Variants in XRN2 observed in about 807,000 individuals in gnomAD.
XRN2 encodes 5'-3' exoribonuclease 2.
In XRN2, 44 loss-of-function variants were observed where a neutral mutation model predicts 138.5. That is an observed-to-expected ratio of 0.32 (90% CI 0.25 to 0.41). XRN2 has a LOEUF of 0.41. Among genes scored for constraint, XRN2 ranks in the 10% least tolerant of loss-of-function variants. The pLI is 1.00. For missense variants in XRN2, 937 were observed against 1,169.3 expected (o/e 0.80, Z 2.90); for synonymous variants, 354 against 369.4 (o/e 0.96, Z 0.48).
At chr20:21,344,042 A>G in intron 15 of XRN2, 48 bp from the exon 16 acceptor site, 3 of 1,431,064 alleles carry the variant, frequency 2.1e-6, no homozygotes, top group Non-Finnish European at 2.9e-6. Flanking sequence ...CTTCTTATGT[A>G]AAATGAATAA....
At chr20:21,303,937 G>T (rs892231007) in intron 1 of XRN2, 37 of 858,906 alleles carry the variant, frequency 4.3e-5, no homozygotes, top group Non-Finnish European at 5.2e-5. Flanking sequence ...CGACCTTTTC[G>T]TTGTTTACCA....
chr20:21,308,609 C>T (rs2037835671), intron 1 of XRN2, among the ~76,000 whole-genome samples: 5 of 152,258 alleles, frequency 3.3e-5, no homozygotes, highest in Admixed American at 2.6e-4. Flanking sequence ...TGCTTATTTG[C>T]TTTCTGTATA....
Position 21,377,264 on chromosome 20 carries a change from C to CTT in XRN2, c.2585-4717_2585-4716dup, listed in dbSNP as rs761622310. Among the ~76,000 whole-genome samples the CTT allele has an allele frequency of 9.6e-3, 797 of 82,810 alleles. 129 individuals carry two copies. Among genetic ancestry groups the CTT allele is most frequent in the African/African-American group, 0.039 (722 of 18,692 alleles). 54.3% of individuals were successfully genotyped at this position (82,810 alleles called of 152,430 possible). A position where few individuals can be genotyped will look rare whatever the true frequency, so the allele number is the denominator to read the frequency against. On this transcript the variant is annotated intron_variant, in intron 27 of 29. Transcript: ENST00000377191. ...CCAACATATGATTTGTCGGTTTTTT[C>CTT]TTTTTTTTTTTTTTGGTCAGTCTTG...
At chr20:21,322,321 T>C (rs982824482) in intron 1 of XRN2, among the ~76,000 whole-genome samples, 5 of 152,230 alleles carry the variant, frequency 3.3e-5, no homozygotes, top group Non-Finnish European at 5.9e-5. Context: ...AATTGTCTTA[T>C]TATAGGTTGA....
intron 1 of XRN2, among the ~76,000 whole-genome samples, chr20:21,322,867 A>G (rs190004957): frequency 5.4e-4 from 82 of 152,336 alleles, no homozygotes; most frequent in Admixed American, 1.9e-3. Flanking sequence ...CCTACTAGGC[A>G]GAGCTACCTT....
At chr20:21,344,444 C>A (rs2038410457) in intron 16 of XRN2, among the ~76,000 whole-genome samples, 1 of 152,138 alleles carries the variant, frequency 6.6e-6, no homozygotes, top group Non-Finnish European at 1.5e-5. Flanking sequence ...GTCCTCCAAT[C>A]CACTTTTCCC....
intron 6 of XRN2, among the ~76,000 whole-genome samples, chr20:21,331,250 A>C (rs2038203092): frequency 6.6e-6 from 1 of 152,172 alleles, no homozygotes; most frequent in African/African-American, 2.4e-5. Flanking sequence ...GTGAATGATC[A>C]GTTTTTCTGA....
intron 1 of XRN2, among the ~76,000 whole-genome samples, chr20:21,310,066 C>T (rs2037859177): frequency 2.0e-5 from 3 of 152,140 alleles, no homozygotes; most frequent in Non-Finnish European, 4.4e-5. Context: ...ATTTCTTCCT[C>T]TCTGATATAG....
At chr20:21,378,224 T>TA (rs1418775505) in intron 27 of XRN2, among the ~76,000 whole-genome samples, 1 of 152,210 alleles carries the variant, frequency 6.6e-6, no homozygotes, top group Non-Finnish European at 1.5e-5. Context: ...ATATGAGTAA[T>TA]AATGTCGGTT....
In XRN2 at chr20:21,354,898, A is replaced by G. The variant is rs117250632; in HGVS notation, c.2020+26A>G. 132 of 1,581,588 alleles carry G rather than the reference A, an allele frequency of 8.3e-5. No individual in the cohort carries two copies. The East Asian group carries it at 2.8e-3, about 33-fold the overall frequency. On this transcript the variant is annotated intron_variant, in intron 21 of 29. Coordinates refer to ENST00000377191, the MANE Select transcript of XRN2 (RefSeq NM_012255.5). ...GTAAGAATTATACTTCTTAGTTAAC[A>G]TTGATCTGTGTAATATACACTTTAT...
At chr20:21,383,011 T>C (rs2038901870) in intron 28 of XRN2, among the ~76,000 whole-genome samples, 2 of 152,200 alleles carry the variant, frequency 1.3e-5, no homozygotes, top group Non-Finnish European at 2.9e-5. Context: ...AATAGTGTTT[T>C]TATAAATGGG....
chr20:21,339,386 A>G (rs2038342237), intron 14 of XRN2, among the ~76,000 whole-genome samples: 1 of 152,192 alleles, frequency 6.6e-6, no homozygotes, highest in Non-Finnish European at 1.5e-5. Context: ...AATATTTTGT[A>G]TCCCCTTGAA....
At position 21,344,086 on chromosome 20, in the gene XRN2, G is replaced by C. The variant is rs748166965; in HGVS notation, c.1411-4G>C. On this transcript the variant is annotated splice_region_variant and splice_polypyrimidine_tract_variant and intron_variant, in intron 15 of 29. Coordinates refer to ENST00000377191, the MANE Select transcript of XRN2 (RefSeq NM_012255.5). Reference sequence around the variant, plus strand: ...TTCTTCTGTAATGTCATCATTGTCTGCAGAGTCCTTCGATATCTCCTAATA... The same window carrying C: ...TTCTTCTGTAATGTCATCATTGTCTCCAGAGTCCTTCGATATCTCCTAATA... The C allele has an allele frequency of 4.4e-6, 7 of 1,595,478 alleles. No individual in the cohort carries two copies. In the Middle Eastern group the frequency reaches 6.7e-4, roughly 152 times the overall value.
At chr20:21,385,133 C>T (rs995829217) in intron 28 of XRN2, among the ~76,000 whole-genome samples, 2 of 152,104 alleles carry the variant, frequency 1.3e-5, no homozygotes, top group African/African-American at 4.8e-5. Flanking sequence ...GTTTTTGGAA[C>T]ATAAAATAGT....
At chr20:21,379,438 C>A (rs1600719846) in intron 27 of XRN2, among the ~76,000 whole-genome samples, 1 of 152,116 alleles carries the variant, frequency 6.6e-6, no homozygotes, top group Non-Finnish European at 1.5e-5. Flanking sequence ...TGAAATATTT[C>A]TTTGAGCCTT....
chr20:21,356,919 A>G (rs1229999316), intron 23 of XRN2, among the ~76,000 whole-genome samples: 1 of 152,176 alleles, frequency 6.6e-6, no homozygotes, highest in African/African-American at 2.4e-5. Flanking sequence ...TAATGATACT[A>G]AGATGTTACG....
chr20:21,385,197 T>G (rs1030831383), intron 28 of XRN2, among the ~76,000 whole-genome samples: 3 of 152,244 alleles, frequency 2.0e-5, no homozygotes, highest in Non-Finnish European at 4.4e-5. Flanking sequence ...TTCCTAAAAC[T>G]CAATTGAATT....
intron 17 of XRN2, among the ~76,000 whole-genome samples, chr20:21,347,016 A>G (rs1382749601): frequency 6.6e-6 from 1 of 152,178 alleles, no homozygotes; most frequent in East Asian, 1.9e-4. Context: ...ATTTGTAAAT[A>G]TTTGTTTCTG....
At chr20:21,304,174 A>G (rs1254149016) in intron 1 of XRN2, among the ~76,000 whole-genome samples, 1 of 152,160 alleles carries the variant, frequency 6.6e-6, no homozygotes, top group African/African-American at 2.4e-5. Flanking sequence ...ATACGTAAGT[A>G]GATTTTTGGC....
Sources: allele counts gnomAD v4.1 joint callset (sites outside exome capture counted in the v4.1 genomes callset), GRCh38; gene constraint gnomAD v4.1.1; transcripts MANE v1.5; gene names NCBI Gene and HGNC (gene_info 2026-07-23, HGNC 2026-07-21).